RNF13: variants seen among roughly 807,000 people sequenced by gnomAD.
RNF13 encodes the protein ring finger protein 13.
A neutral mutation model predicts 37.7 loss-of-function variants in RNF13; 19 were observed. That is an observed-to-expected ratio of 0.50 (90% CI 0.35 to 0.74). The LOEUF (loss-of-function observed/expected upper bound fraction) is 0.74, where lower values mean the gene tolerates loss of function less well. Ranked by LOEUF, RNF13 falls within the 30% of genes least tolerant of loss-of-function variation. RNF13 has a pLI of 0.01. For missense variants in RNF13, 375 were observed against 453.0 expected (o/e 0.83, Z 1.56); for synonymous variants, 144 against 157.8 (o/e 0.91, Z 0.65).
intron 8 of RNF13, among the ~76,000 whole-genome samples, chr3:149,958,093 T>C (rs1336650953): frequency 6.6e-6 from 1 of 152,234 alleles, no homozygotes; most frequent in Non-Finnish European, 1.5e-5. Flanking sequence ...AGCTCAGTGA[T>C]TCCAAATCAT....
intron 8 of RNF13, among the ~76,000 whole-genome samples, chr3:149,941,369 T>C (rs556394565): frequency 1.3e-5 from 2 of 152,214 alleles, no homozygotes; most frequent in East Asian, 3.9e-4. Flanking sequence ...TGCTCTTTTG[T>C]TAGTGGCCAT....
At chr3:149,818,319 A>G (rs1490522884) in intron 1 of RNF13, among the ~76,000 whole-genome samples, 1 of 152,152 alleles carries the variant, frequency 6.6e-6, no homozygotes, top group Non-Finnish European at 1.5e-5. Context: ...TTCTCGTACT[A>G]TGTATTTGTA....
At chr3:149,853,833 TC>T (rs1723381209) in intron 3 of RNF13, among the ~76,000 whole-genome samples, 1 of 147,346 alleles carries the variant, frequency 6.8e-6, no homozygotes, top group African/African-American at 2.5e-5. Context: ...TTAAAATTTC[TC>T]TTTTTTTTTT....
At chr3:149,826,382 G>C (rs2108325348) in intron 1 of RNF13, among the ~76,000 whole-genome samples, 1 of 152,256 alleles carries the variant, frequency 6.6e-6, no homozygotes, top group East Asian at 1.9e-4. Flanking sequence ...GAAAATGACT[G>C]CTCAGATTTG....
chr3:149,846,255 A>G, intron 2 of RNF13, 115 bp downstream of exon 2: 3 of 637,976 alleles, frequency 4.7e-6, no homozygotes, highest in Non-Finnish European at 8.2e-6. Context: ...CTAAAAACAT[A>G]CCCCAACACA....
intron 8 of RNF13, among the ~76,000 whole-genome samples, chr3:149,958,459 T>G (rs1409887098): frequency 1.3e-5 from 2 of 152,202 alleles, no homozygotes; most frequent in Non-Finnish European, 2.9e-5. Context: ...CTTCTTCCAC[T>G]TTTCAAAACC....
intron 1 of RNF13, among the ~76,000 whole-genome samples, chr3:149,835,634 TGTG>T (rs1034196301): frequency 7.8e-5 from 1 of 12,802 alleles, no homozygotes; most frequent in African/African-American, 1.4e-4. Flanking sequence ...AGTATTCCAT[TGTG>T]TGTGTGTGTG....
chr3:149,937,995 T>G (rs967760006), intron 8 of RNF13, among the ~76,000 whole-genome samples: 1 of 152,076 alleles, frequency 6.6e-6, no homozygotes, highest in Non-Finnish European at 1.5e-5. Flanking sequence ...ATTTTCTGCC[T>G]GCTGGATCTG....
At chr3:149,850,742 G>A (rs1324143629) in intron 2 of RNF13, among the ~76,000 whole-genome samples, 6 of 152,086 alleles carry the variant, frequency 3.9e-5, no homozygotes, top group Admixed American at 3.9e-4. Flanking sequence ...TTATTTTACA[G>A]TGACATCTTT....
intron 1 of RNF13, among the ~76,000 whole-genome samples, chr3:149,818,728 A>G (rs1346919771): frequency 1.3e-5 from 2 of 152,116 alleles, no homozygotes; most frequent in African/African-American, 4.8e-5. Flanking sequence ...CCTGGGCAAC[A>G]TGGTAAAACC....
At chr3:149,891,710 G>A (rs146892736) in intron 4 of RNF13, among the ~76,000 whole-genome samples, 4 of 152,254 alleles carry the variant, frequency 2.6e-5, no homozygotes, top group South Asian at 2.1e-4. Flanking sequence ...TTCAGTTTTG[G>A]TGGCTGTTTT....
At position 149,852,577 on chromosome 3, in the gene RNF13, T is replaced by C; in HGVS notation, c.176T>C (p.Leu59Pro). ...DDLPARFGYRLPAEGLKGFLI... is the reference protein window; with the variant it reads ...DDLPARFGYRPPAEGLKGFLI... ...CTCCCTGCAAGATTTGGTTATAGACTTCCAGCTGAAGGTTTAAAGGTAAGA... is the reference window on the plus strand; with the variant it reads ...CTCCCTGCAAGATTTGGTTATAGACCTCCAGCTGAAGGTTTAAAGGTAAGA... Residue 59 changes from leucine to proline, a missense_variant, in exon 3 of 10, where the codon CTT becomes CCT. Physicochemically the swap from Leu to Pro is moderately conservative, Grantham distance 98 (BLOSUM62 -3). Transcript: ENST00000392894. 6.4e-7 allele frequency: 1 copy of C among 1,556,606 alleles called. No individual in the cohort carries two copies. The highest frequency in any genetic ancestry group is 8.8e-7 in the Non-Finnish European group (1 of 1,142,436).
chr3:149,903,225 AGTG>A (rs1334010463), intron 6 of RNF13, among the ~76,000 whole-genome samples: 6 of 152,038 alleles, frequency 3.9e-5, no homozygotes, highest in Admixed American at 3.3e-4. Flanking sequence ...AGTTATGCAA[AGTG>A]GTGTTTTGTC....
chr3:149,872,122 A>C lies in RNF13; in HGVS notation c.289A>C (p.Ile97Leu). The change falls in exon 4 of 10, where the codon ATT (isoleucine) becomes CTT (leucine). Residue 97 changes from isoleucine to leucine, a missense_variant. Ile to Leu is a conservative substitution (Grantham distance 5). Transcript: ENST00000392894. ...TTCATCTGGCACTTTCATCGTGTTA[A>C]TTAGAAGACTTGATTGTAATTTTGA... ...DNSSGTFIVL[I>L]RRLDCNFDIK... 6.3e-7 allele frequency: 1 copy of C among 1,593,960 alleles called. No individual in the cohort carries two copies. The highest frequency in any genetic ancestry group is 8.6e-7 in the Non-Finnish European group (1 of 1,167,726).
At chr3:149,889,292 C>CGCGTGT (rs1553761926) in intron 4 of RNF13, among the ~76,000 whole-genome samples, 2 of 138,122 alleles carry the variant, frequency 1.4e-5, no homozygotes, top group Non-Finnish European at 3.1e-5. Flanking sequence ...TTTGAGTGTG[C>CGCGTGT]GTGTGTGTGT....
chr3:149,848,985 T>C (rs1722897052), intron 2 of RNF13, among the ~76,000 whole-genome samples: 1 of 152,220 alleles, frequency 6.6e-6, no homozygotes, highest in Non-Finnish European at 1.5e-5. Flanking sequence ...ACGTTTGAAG[T>C]AATTAAAAGC....
At chr3:149,886,350 C>T (rs1714030275) in intron 4 of RNF13, among the ~76,000 whole-genome samples, 1 of 152,040 alleles carries the variant, frequency 6.6e-6, no homozygotes, top group Admixed American at 6.6e-5. Flanking sequence ...ATTGATTCTT[C>T]CAATCTATGA....
intron 3 of RNF13, among the ~76,000 whole-genome samples, chr3:149,854,857 C>G (rs919349391): frequency 1.1e-4 from 16 of 152,176 alleles, no homozygotes; most frequent in African/African-American, 3.1e-4. Context: ...CACATAGTTA[C>G]TTGCTACATA....
intron 1 of RNF13, among the ~76,000 whole-genome samples, chr3:149,832,891 C>G (rs1183648043): frequency 2.0e-5 from 3 of 151,910 alleles, no homozygotes; most frequent in Admixed American, 6.6e-5. Context: ...AAAAACATTC[C>G]AAGAAAGAAA....
Sources: gnomAD v4.1 joint callset for allele counts (sites outside exome capture counted in the v4.1 genomes callset) on GRCh38, gnomAD v4.1.1 for gene constraint, MANE v1.5 for transcripts, NCBI Gene and HGNC (gene_info 2026-07-23, HGNC 2026-07-21) for gene names.